The following THOC7 variants were observed in gnomAD, a reference collection of about 807,000 sequenced individuals.
The protein encoded by THOC7 is NIF3L1-binding protein 1.
Under a neutral mutation model 33.1 loss-of-function variants are expected in THOC7, and 22 were observed. That is an observed-to-expected ratio of 0.66 (90% confidence interval 0.47 to 0.95). THOC7 has a LOEUF of 0.95. Ranked by LOEUF, THOC7 falls within the 40% of genes least tolerant of loss-of-function variation. The pLI is 0.00. For synonymous variants in THOC7, 77 were observed against 76.8 expected, an observed-to-expected ratio of 1.00 and a Z score of -0.01; for missense variants, 184 against 245.3, an observed-to-expected ratio of 0.75 and a Z score of 1.67.
At chr3:63,862,572 A>G (rs1702249848) in intron 1 of THOC7, among the ~76,000 whole-genome samples, 1 of 152,206 alleles carries the variant, frequency 6.6e-6, no homozygotes, top group African/African-American at 2.4e-5. Context: ...CTGAAATTCC[A>G]CATGAAGTTC....
At chr3:63,853,253 T>C (rs536778238) in intron 1 of THOC7, among the ~76,000 whole-genome samples, 94 of 151,540 alleles carry the variant, frequency 6.2e-4, no homozygotes, top group South Asian at 2.9e-3. Context: ...AATGCCAACA[T>C]TGGGGTGGCA....
intron 1 of THOC7, among the ~76,000 whole-genome samples, chr3:63,858,844 C>A (rs944233829): frequency 3.9e-5 from 6 of 152,278 alleles, no homozygotes; most frequent in South Asian, 4.1e-4. Flanking sequence ...TATAACATGA[C>A]AGTAGTGGTG....
At chr3:63,853,524 G>T (rs1702056308) in intron 1 of THOC7, among the ~76,000 whole-genome samples, 1 of 152,142 alleles carries the variant, frequency 6.6e-6, no homozygotes, top group Admixed American at 6.5e-5. Context: ...AGAAATATTG[G>T]GAAACTTAAG....
chr3:63,834,192 T>C lies in THOC7; in HGVS notation c.555A>G (p.Glu185=). 6.2e-7 allele frequency: 1 copy of C among 1,614,084 alleles called. No homozygotes were observed. Among genetic ancestry groups the C allele is most frequent in the African/African-American group, 1.3e-5 (1 of 75,052 alleles). The change falls in exon 8 of 8, where the codon GAA becomes GAG. Residue 185 remains glutamate, a synonymous_variant. Transcript: ENST00000295899. The part of the protein sequence containing the change: ...HELQQTLEND[E]KLSEVEEAQE... ...GAGCTTCTTCTACCTCTGAGAGTTT[T>C]TCATCATCTGTAATTGAGAAGGAAA...
At chr3:63,856,983 G>A (rs1372014267) in intron 1 of THOC7, among the ~76,000 whole-genome samples, 1 of 152,192 alleles carries the variant, frequency 6.6e-6, no homozygotes, top group Non-Finnish European at 1.5e-5. Context: ...CTCCCCAAGT[G>A]CTGGGATTAC....
intron 1 of THOC7, among the ~76,000 whole-genome samples, chr3:63,843,677 C>T (rs1323012156): frequency 6.6e-6 from 1 of 151,960 alleles, no homozygotes; most frequent in Non-Finnish European, 1.5e-5. Flanking sequence ...AAGGTGGGCG[C>T]ATCACGAGGT....
chr3:63,834,813 G>A (rs1287381362), intron 7 of THOC7, among the ~76,000 whole-genome samples: 1 of 152,110 alleles, frequency 6.6e-6, no homozygotes, highest in Non-Finnish European at 1.5e-5. Flanking sequence ...GTATGCAAAT[G>A]TTCGTATGTA....
Position 63,835,281 on chromosome 3 carries a change from G to GTGT in THOC7, c.477+42_477+43insACA, listed in dbSNP as rs574009018. On this transcript the variant is annotated intron_variant, in intron 6 of 7. Transcript: ENST00000295899. ...ACCTGTATATATAGATATATAGACA[G>GTGT]ACAGATAGACAGATCATGAAGGCTA... The GTGT allele has an allele frequency of 4.6e-3, 7,474 of 1,612,106 alleles. 17 individuals carry two copies. Among genetic ancestry groups the GTGT allele is most frequent in the Non-Finnish European group, 5.3e-3 (6,244 of 1,178,698 alleles).
chr3:63,848,596 A>G (rs545207046), intron 1 of THOC7: 2 of 152,356 alleles, frequency 1.3e-5, no homozygotes, highest in Non-Finnish European at 1.5e-5. Flanking sequence ...ATGCTGTGGC[A>G]TGTCTTTAAC....
intron 1 of THOC7, among the ~76,000 whole-genome samples, chr3:63,854,006 A>G (rs1346418498): frequency 5.3e-5 from 8 of 152,216 alleles, no homozygotes; most frequent in East Asian, 1.9e-4. Flanking sequence ...ATGTAGATAC[A>G]TATTAGGCAT....
chr3:63,839,194 A>G lies in THOC7; in HGVS notation c.137+462T>C, dbSNP rs1265955913. Among the ~76,000 whole-genome samples the G allele has an allele frequency of 2.0e-5, 3 of 152,276 alleles. No individual in the cohort carries two copies. The East Asian group carries it at 5.8e-4, about 29-fold the overall frequency. On this transcript the variant is annotated intron_variant, in intron 2 of 7. Transcript: ENST00000295899. ...AACAGAATGAGACTCTGTCTCACAA[A>G]AAAAAAGATTAGATATACGTGTGTG... is the stretch of plus-strand genomic sequence containing the variant.
upstream of THOC7, among the ~76,000 whole-genome samples, chr3:63,864,230 C>T (rs1348700146): frequency 2.7e-5 from 4 of 150,680 alleles, no homozygotes; most frequent in Non-Finnish European, 5.9e-5. Flanking sequence ...AGTCGGGGTC[C>T]CGGCTTCTTC....
chr3:63,851,128 T>C (rs560141201), intron 1 of THOC7, among the ~76,000 whole-genome samples: 1 of 152,330 alleles, frequency 6.6e-6, no homozygotes, highest in East Asian at 1.9e-4. Flanking sequence ...ATCACAACAG[T>C]AGTCTCCCTG....
At chr3:63,846,013 G>A (rs1223886113) in intron 1 of THOC7, 2 of 187,648 alleles carry the variant, frequency 1.1e-5, no homozygotes, top group African/African-American at 4.8e-5. Flanking sequence ...GCATTCAGAA[G>A]CCTCAAAGAG....
intron 1 of THOC7, among the ~76,000 whole-genome samples, chr3:63,848,017 C>G (rs1167399065): frequency 2.0e-5 from 3 of 152,144 alleles, no homozygotes; most frequent in African/African-American, 7.2e-5. Flanking sequence ...AAACAGAGAT[C>G]TTAAGACTGA....
At chr3:63,837,197 C>T (rs1182182402) in intron 4 of THOC7, among the ~76,000 whole-genome samples, 1 of 151,772 alleles carries the variant, frequency 6.6e-6, no homozygotes, top group Non-Finnish European at 1.5e-5. Flanking sequence ...AATACATGCC[C>T]TATGTAAAAC....
intron 1 of THOC7, among the ~76,000 whole-genome samples, chr3:63,856,344 G>A (rs1366265781): frequency 6.6e-6 from 1 of 151,958 alleles, no homozygotes; most frequent in Non-Finnish European, 1.5e-5. Context: ...AGCACAATAG[G>A]ATGATTATAG....
rs746495156 is a variant in THOC7 at position 63,835,398 on chromosome 3, T to C, written c.411-8A>G. On this transcript the variant is annotated splice_region_variant and splice_polypyrimidine_tract_variant and intron_variant, in intron 5 of 7. Coordinates refer to ENST00000295899, the MANE Select transcript of THOC7 (RefSeq NM_025075.4). Reference sequence around the variant, plus strand: ...CCCAGAGCCTCTAGTTCCCTGGAAATAATAAAACAGTGTTACATTTTGCTG... The same window carrying C: ...CCCAGAGCCTCTAGTTCCCTGGAAACAATAAAACAGTGTTACATTTTGCTG... 21 of 1,612,608 alleles carry C rather than the reference T, an allele frequency of 1.3e-5. No homozygotes were observed. The highest frequency in any genetic ancestry group is 1.8e-5 in the Non-Finnish European group (21 of 1,179,482).
At chr3:63,855,416 C>T (rs1189964108) in intron 1 of THOC7, among the ~76,000 whole-genome samples, 1 of 152,038 alleles carries the variant, frequency 6.6e-6, no homozygotes, top group African/African-American at 2.4e-5. Context: ...CCAAATAAGC[C>T]TCAAAAAGTC....
Sources: allele counts gnomAD v4.1 joint callset (sites outside exome capture counted in the v4.1 genomes callset), GRCh38; gene constraint gnomAD v4.1.1; transcripts MANE v1.5; gene names NCBI Gene and HGNC (gene_info 2026-07-23, HGNC 2026-07-21).